Variants in ANKRD11 observed in about 807,000 individuals in gnomAD.
ANKRD11 encodes ankyrin repeat domain 11.
In ANKRD11, 17 loss-of-function variants were observed where a neutral mutation model predicts 195.7. That is an observed-to-expected ratio of 0.09 (90% CI 0.06 to 0.13). The LOEUF is 0.13. Ranked by LOEUF, ANKRD11 falls within the 10% of genes least tolerant of loss-of-function variation. The pLI, the probability that ANKRD11 is intolerant of heterozygous loss-of-function variation, is 1.00. For synonymous variants in ANKRD11, 1,953 were observed against 1,528.1 expected (o/e 1.28, Z -6.49); for missense variants, 3,735 against 3,566.1 (o/e 1.05, Z -1.21).
chr16:89,343,737 C>G (rs1014183326), intron 2 of ANKRD11: 1 of 152,314 alleles, frequency 6.6e-6, no homozygotes, highest in African/African-American at 2.4e-5. Flanking sequence ...CTCATGTTTT[C>G]AAGGAAGGGT....
intron 2 of ANKRD11, among the ~76,000 whole-genome samples, chr16:89,351,758 G>A (rs2039230325): frequency 6.6e-6 from 1 of 152,230 alleles, no homozygotes; most frequent in South Asian, 2.1e-4. Context: ...AACAAGGAGT[G>A]ACGATTAAAG....
chr16:89,477,326 G>A (rs1372166587), intron 1 of ANKRD11, among the ~76,000 whole-genome samples: 2 of 151,702 alleles, frequency 1.3e-5, no homozygotes, highest in East Asian at 3.9e-4. Context: ...CTCAGTAGCT[G>A]GGATGACAGG....
intron 2 of ANKRD11, among the ~76,000 whole-genome samples, chr16:89,375,547 C>T (rs1466356004): frequency 6.6e-6 from 1 of 152,026 alleles, no homozygotes; most frequent in Non-Finnish European, 1.5e-5. Flanking sequence ...GCAACCTCTG[C>T]CTCCCAGGCC....
chr16:89,469,153 T>A (rs2056983172), intron 1 of ANKRD11, among the ~76,000 whole-genome samples: 1 of 151,946 alleles, frequency 6.6e-6, no homozygotes, highest in Non-Finnish European at 1.5e-5. Flanking sequence ...GCACTTCAGC[T>A]TGGGCCACAG....
intron 1 of ANKRD11, among the ~76,000 whole-genome samples, chr16:89,481,784 G>A (rs1021509827): frequency 5.3e-5 from 8 of 152,190 alleles, no homozygotes; most frequent in African/African-American, 1.9e-4. Context: ...AGACACGTCT[G>A]GCTGACATTC....
chr16:89,273,022 G>A (rs1387514877), intron 11 of ANKRD11: 2 of 142,358 alleles, frequency 1.4e-5, no homozygotes, highest in Admixed American at 1.4e-4. Flanking sequence ...CTGGCAGGGA[G>A]GTAGAAGTGG....
At chr16:89,335,222 C>A (rs143969601) in intron 2 of ANKRD11, among the ~76,000 whole-genome samples, 4 of 152,144 alleles carry the variant, frequency 2.6e-5, no homozygotes, top group Non-Finnish European at 5.9e-5. Context: ...GCGTTCCATG[C>A]AGGCTGGGAG....
At chr16:89,460,863 A>C (rs1041262291) in intron 1 of ANKRD11, among the ~76,000 whole-genome samples, 2 of 152,184 alleles carry the variant, frequency 1.3e-5, no homozygotes, top group Non-Finnish European at 2.9e-5. Flanking sequence ...CAAAAGGGAA[A>C]TATGCCAGTC....
intron 2 of ANKRD11, among the ~76,000 whole-genome samples, chr16:89,338,955 A>G (rs1031317699): frequency 9.8e-5 from 15 of 152,334 alleles, no homozygotes; most frequent in African/African-American, 3.6e-4. Context: ...ATGAAAGCAC[A>G]TGAGGAACTC....
At position 89,280,518 on chromosome 16, in the gene ANKRD11, G is replaced by A. The variant is rs375589721; in HGVS notation, c.6024C>T (p.Phe2008=). The change falls in exon 9 of 13, where the codon TTC becomes TTT. Residue 2008 remains phenylalanine, a synonymous_variant. Coordinates refer to ENST00000301030, the MANE Select transcript of ANKRD11 (RefSeq NM_013275.6). ...CGGGGTACGGCGCCTCCGAGGCGCT[G>A]AAGGGCCCTGGGGCGGCAGAGTGGA... The part of the protein sequence containing the change: ...DPLHSAAPGP[F]SASEAPYPAP... 3.7e-5 allele frequency: 60 copies of A among 1,610,770 alleles called. No individual in the cohort carries two copies. Among genetic ancestry groups the A allele is most frequent in the African/African-American group, 1.6e-4 (12 of 74,888 alleles).
intron 1 of ANKRD11, among the ~76,000 whole-genome samples, chr16:89,469,312 C>G (rs908879054): frequency 3.9e-5 from 6 of 152,126 alleles, no homozygotes; most frequent in African/African-American, 1.2e-4. Flanking sequence ...ACCTCTGCCT[C>G]CCAGGTTCAA....
intron 1 of ANKRD11, chr16:89,431,149 A>G (rs1185445861): frequency 6.6e-6 from 1 of 152,106 alleles, no homozygotes; most frequent in Admixed American, 6.6e-5. Flanking sequence ...CTCTTTGTTT[A>G]TTAAGAATTG....
chr16:89,344,423 C>T (rs1217196256), intron 2 of ANKRD11, among the ~76,000 whole-genome samples: 1 of 152,164 alleles, frequency 6.6e-6, no homozygotes, highest in African/African-American at 2.4e-5. Context: ...CCGTCAGGGC[C>T]AACACGGGCC....
Position 89,284,397 on chromosome 16 carries a change from T to C in ANKRD11, c.2145A>G (p.Glu715=), listed in dbSNP as rs2034499753. ...LEEKEWLFKD[E]KSLKRIKDTN... The stretch of plus-strand genomic sequence containing the variant: ...TGTCTTTGATTCTCTTCAGTGATTT[T>C]TCATCTTTAAAGAGCCATTCTTTTT... The change falls in exon 9 of 13, where the codon GAA becomes GAG. Residue 715 remains glutamate, a synonymous_variant. Transcript: ENST00000301030. 1.9e-6 allele frequency: 3 copies of C among 1,613,710 alleles called. No individual in the cohort carries two copies. Among genetic ancestry groups the C allele is most frequent in the Non-Finnish European group, 2.5e-6 (3 of 1,180,020 alleles).
Position 89,282,047 on chromosome 16 carries a change from C to T in ANKRD11, c.4495G>A (p.Glu1499Lys), listed in dbSNP as rs764027589. ...RDELLRHHRDEQKPATRDKDS... is the reference protein window; with the variant it reads ...RDELLRHHRDKQKPATRDKDS... ...TTGTCCCTGGTGGCGGGCTTCTGCT[C>T]GTCCCTGTGATGCCGCAGGAGCTCG... Residue 1499 changes from glutamate (E) to lysine (K), a missense_variant, in exon 9 of 13, where the codon GAG (glutamate) becomes AAG (lysine). Transcript: ENST00000301030. 4.3e-6 allele frequency: 7 copies of T among 1,612,090 alleles called. No individual in the cohort carries two copies. Among genetic ancestry groups the T allele is most frequent in the South Asian group, 2.2e-5 (2 of 90,580 alleles).
At chr16:89,335,606 G>C (rs1330718823) in intron 2 of ANKRD11, among the ~76,000 whole-genome samples, 1 of 152,136 alleles carries the variant, frequency 6.6e-6, no homozygotes, top group Non-Finnish European at 1.5e-5. Context: ...GGGAACCTTT[G>C]GTTTGCAAAG....
At chr16:89,352,778 G>C (rs1034190495) in intron 2 of ANKRD11, among the ~76,000 whole-genome samples, 3 of 152,190 alleles carry the variant, frequency 2.0e-5, no homozygotes, top group Admixed American at 2.0e-4. Flanking sequence ...TCTTGAGTGC[G>C]TTTCCTATGT....
chr16:89,324,299 C>A, intron 2 of ANKRD11: 3 of 1,267,338 alleles, frequency 2.4e-6, no homozygotes, highest in African/African-American at 1.5e-5. Context: ...CACGGACCAC[C>A]CGACAGGAGC....
At chr16:89,326,103 T>C (rs569266250) in intron 2 of ANKRD11, among the ~76,000 whole-genome samples, 3 of 152,290 alleles carry the variant, frequency 2.0e-5, no homozygotes, top group East Asian at 1.9e-4. Context: ...GGCGCCAAGA[T>C]ACAAACTAAA....
Sources: gnomAD v4.1 joint callset for allele counts (sites outside exome capture counted in the v4.1 genomes callset) on GRCh38, gnomAD v4.1.1 for gene constraint, MANE v1.5 for transcripts, NCBI Gene and HGNC (gene_info 2026-07-23, HGNC 2026-07-21) for gene names.